Variants in RBFOX1 observed in about 807,000 individuals in gnomAD.
The protein encoded by RBFOX1 is RNA binding protein fox-1 homolog 1.
Under a neutral mutation model 57.7 loss-of-function variants are expected in RBFOX1, and 8 were observed. The ratio of observed to expected loss-of-function variants is 0.14; its 90% confidence interval spans 0.08 to 0.25. The LOEUF (loss-of-function observed/expected upper bound fraction) is 0.25. Ranked by LOEUF, RBFOX1 falls within the 10% of genes least tolerant of loss-of-function variation. The probability of loss-of-function intolerance (pLI) is 1.00; values close to 1 mark genes in which losing one functional copy is unlikely to be tolerated. For synonymous variants in RBFOX1, 326 were observed against 222.4 expected, an observed-to-expected ratio of 1.47 and a Z score of -4.15; for missense variants, 611 against 548.5, an observed-to-expected ratio of 1.11 and a Z score of -1.14.
At chr16:6,867,854 A>T (rs1281024295) in intron 3 of RBFOX1, among the ~76,000 whole-genome samples, 1 of 152,204 alleles carries the variant, frequency 6.6e-6, no homozygotes, top group Non-Finnish European at 1.5e-5. Context: ...TTCTGCTGAC[A>T]GGTGTCCCAG....
At chr16:7,306,797 T>G (rs2096199573) in intron 4 of RBFOX1, among the ~76,000 whole-genome samples, 1 of 152,208 alleles carries the variant, frequency 6.6e-6, no homozygotes, top group Non-Finnish European at 1.5e-5. Flanking sequence ...GTCACTTATT[T>G]TATTTAGCAT....
chr16:5,966,209 A>G (rs2059840495), intron 4 of RBFOX1, among the ~76,000 whole-genome samples: 2 of 152,320 alleles, frequency 1.3e-5, no homozygotes, highest in Middle Eastern at 3.4e-3. Flanking sequence ...GCATATAGAA[A>G]TAGAACGTGA....
At chr16:6,663,657 T>C (rs2098714885) in intron 3 of RBFOX1, among the ~76,000 whole-genome samples, 1 of 152,244 alleles carries the variant, frequency 6.6e-6, no homozygotes, top group Non-Finnish European at 1.5e-5. Flanking sequence ...CCCCTGGGGA[T>C]TGGATTTCTT....
intron 4 of RBFOX1, among the ~76,000 whole-genome samples, chr16:7,083,445 C>G (rs892955969): frequency 3.9e-5 from 6 of 151,958 alleles, no homozygotes; most frequent in African/African-American, 1.5e-4. Context: ...CTCACAGAAG[C>G]TTAAGATTAA....
At chr16:5,976,256 A>C (rs1017588234) in intron 4 of RBFOX1, among the ~76,000 whole-genome samples, 1 of 152,228 alleles carries the variant, frequency 6.6e-6, no homozygotes, top group Non-Finnish European at 1.5e-5. Context: ...GTAGCATACA[A>C]GAAAACAACA....
At position 7,154,685 on chromosome 16, in the gene RBFOX1, TTGTGTGTGTGTGTGTGTGTGTGTG is replaced by T. The variant is rs56742260; in HGVS notation, c.27+102612_27+102635del. Reference sequence around the variant, plus strand: ...TGGGAAATGGCTAGACCCTCTTCCTTTGTGTGTGTGTGTGTGTGTGTGTGTGTGTGTGTGTGTGTGTGTGTGTGA... The same window carrying T: ...TGGGAAATGGCTAGACCCTCTTCCTTTGTGTGTGTGTGTGTGTGTGTGTGA... On this transcript the variant is annotated intron_variant, in intron 4 of 15. Coordinates refer to ENST00000550418, the MANE Select transcript of RBFOX1 (RefSeq NM_018723.4). Among the ~76,000 whole-genome samples the T allele has an allele frequency of 7.6e-4, 109 of 143,216 alleles. No homozygotes were observed. In the East Asian group the frequency reaches 8.5e-3, roughly 11 times the overall value. The allele number at this position is 143,216 out of a possible 152,430, so 94.0% of individuals were successfully genotyped here. A position where few individuals can be genotyped will look rare whatever the true frequency, so the allele number is the denominator to read the frequency against.
chr16:6,764,851 C>G (rs1024879809), intron 3 of RBFOX1, among the ~76,000 whole-genome samples: 1 of 152,018 alleles, frequency 6.6e-6, no homozygotes, highest in Non-Finnish European at 1.5e-5. Context: ...GCAGGAGAAT[C>G]TCTTGAACCC....
At chr16:6,675,323 G>C (rs2057447995) in intron 3 of RBFOX1, among the ~76,000 whole-genome samples, 1 of 152,152 alleles carries the variant, frequency 6.6e-6, no homozygotes, top group African/African-American at 2.4e-5. Context: ...CCTAAATGTA[G>C]GTGCTCTTGC....
At chr16:6,761,565 T>C (rs182989036) in intron 3 of RBFOX1, among the ~76,000 whole-genome samples, 116 of 128,986 alleles carry the variant, frequency 9.0e-4, no homozygotes, top group African/African-American at 3.2e-3. Flanking sequence ...TGGAGTGCAG[T>C]GGTGCGATCT....
chr16:7,392,499 C>T (rs1476116843), intron 4 of RBFOX1, among the ~76,000 whole-genome samples: 1 of 152,050 alleles, frequency 6.6e-6, no homozygotes, highest in African/African-American at 2.4e-5. Context: ...CCTACCAAAA[C>T]CAGTGACTTG....
chr16:6,595,585 ATTTCTGGG>A (rs1436043628), intron 2 of RBFOX1, among the ~76,000 whole-genome samples: 7 of 152,142 alleles, frequency 4.6e-5, no homozygotes, highest in Non-Finnish European at 1.0e-4. Flanking sequence ...TACAAGTGGA[ATTTCTGGG>A]TCATATGGAC....
intron 4 of RBFOX1, among the ~76,000 whole-genome samples, chr16:7,432,242 T>G (rs1488941348): frequency 6.6e-6 from 1 of 152,248 alleles, no homozygotes; most frequent in East Asian, 1.9e-4. Flanking sequence ...AAAGGTAGGA[T>G]GAGTCTCCCA....
chr16:6,141,309 A>C (rs903764403), intron 1 of RBFOX1, among the ~76,000 whole-genome samples: 3 of 152,156 alleles, frequency 2.0e-5, no homozygotes, highest in Non-Finnish European at 4.4e-5. Context: ...GTTCTTTTAC[A>C]AGGGCGATAC....
chr16:6,805,812 G>T (rs1299029049), intron 3 of RBFOX1, among the ~76,000 whole-genome samples: 1 of 152,132 alleles, frequency 6.6e-6, no homozygotes. Flanking sequence ...CATCTTCGCT[G>T]CCCTGTTGTC....
At chr16:6,449,522 C>A (rs147121315) in intron 2 of RBFOX1, among the ~76,000 whole-genome samples, 2 of 152,120 alleles carry the variant, frequency 1.3e-5, no homozygotes, top group African/African-American at 4.8e-5. Context: ...TTCCTAGAAA[C>A]AGCTGCTTCC....
intron 4 of RBFOX1, among the ~76,000 whole-genome samples, chr16:7,069,362 C>T (rs1202351984): frequency 6.6e-6 from 1 of 152,076 alleles, no homozygotes; most frequent in African/African-American, 2.4e-5. Context: ...ATCAGTCTCC[C>T]CAAAGAGGCC....
chr16:5,743,439 A>G (rs1349267379), intron 3 of RBFOX1, among the ~76,000 whole-genome samples: 2 of 152,204 alleles, frequency 1.3e-5, no homozygotes, highest in East Asian at 3.8e-4. Flanking sequence ...TTACATTCCC[A>G]TAAAGGAACA....
chr16:5,320,915 C>G (rs1471797499), intron 1 of RBFOX1, among the ~76,000 whole-genome samples: 1 of 152,218 alleles, frequency 6.6e-6, no homozygotes, highest in Non-Finnish European at 1.5e-5. Flanking sequence ...AGGGGCGGCC[C>G]TGCCTCTGGC....
chr16:7,107,143 A>G (rs76838368), intron 4 of RBFOX1, among the ~76,000 whole-genome samples: 6,228 of 152,198 alleles, frequency 0.041, 463 homozygotes, highest in African/African-American at 0.14. Context: ...ATGCAAGAAC[A>G]TTGTATCCAG....
Sources: gnomAD v4.1 joint callset for allele counts (sites outside exome capture counted in the v4.1 genomes callset) on GRCh38, gnomAD v4.1.1 for gene constraint, MANE v1.5 for transcripts, NCBI Gene and HGNC (gene_info 2026-07-23, HGNC 2026-07-21) for gene names.